Variants in CTNND2 observed in about 807,000 individuals in gnomAD.
CTNND2 encodes the protein catenin delta 2.
CTNND2 carries 22 observed loss-of-function variants against 144.4 expected under a neutral mutation model. That is an observed-to-expected ratio of 0.15 (90% CI 0.11 to 0.22). The LOEUF (loss-of-function observed/expected upper bound fraction) is 0.22, where lower values mean the gene tolerates loss of function less well. Ranked by LOEUF, CTNND2 falls within the 10% of genes least tolerant of loss-of-function variation. The pLI is 1.00. For synonymous variants in CTNND2, 751 were observed against 695.6 expected (o/e 1.08, Z -1.25); for missense variants, 1,353 against 1,618.8 (o/e 0.84, Z 2.82).
At chr5:11,593,038 C>T (rs899392264) in intron 2 of CTNND2, among the ~76,000 whole-genome samples, 6 of 151,796 alleles carry the variant, frequency 4.0e-5, no homozygotes, top group Admixed American at 2.6e-4. Flanking sequence ...AAAAATGCAA[C>T]GTGACCCCAG....
intron 1 of CTNND2, among the ~76,000 whole-genome samples, chr5:11,823,942 T>C (rs1793459369): frequency 6.6e-6 from 1 of 151,900 alleles, no homozygotes; most frequent in Non-Finnish European, 1.5e-5. Flanking sequence ...ACCGTGTCTC[T>C]ACTAAAAATA....
At chr5:11,382,363 C>T (rs930388026) in intron 7 of CTNND2, among the ~76,000 whole-genome samples, 9 of 152,120 alleles carry the variant, frequency 5.9e-5, no homozygotes, top group Admixed American at 5.9e-4. Context: ...TTTTGGGAGG[C>T]CAAAGCGAGC....
chr5:11,421,652 G>A (rs932090010), intron 3 of CTNND2, among the ~76,000 whole-genome samples: 5 of 152,102 alleles, frequency 3.3e-5, no homozygotes, highest in Admixed American at 6.5e-5. Context: ...CAGGCATGGC[G>A]GTGTCTGCAT....
intron 16 of CTNND2, among the ~76,000 whole-genome samples, chr5:11,056,353 T>G (rs886322924): frequency 2.6e-5 from 4 of 152,208 alleles, no homozygotes; most frequent in Non-Finnish European, 4.4e-5. Flanking sequence ...AGAAAACAAA[T>G]GGAAATGAAT....
At chr5:11,570,997 G>A (rs1176379684) in intron 2 of CTNND2, among the ~76,000 whole-genome samples, 1 of 151,588 alleles carries the variant, frequency 6.6e-6, no homozygotes, top group African/African-American at 2.4e-5. Flanking sequence ...AATCATGTAA[G>A]TCTCTAATGA....
chr5:11,443,548 C>A (rs186991161), intron 3 of CTNND2, among the ~76,000 whole-genome samples: 8 of 152,020 alleles, frequency 5.3e-5, no homozygotes, highest in Admixed American at 2.6e-4. Flanking sequence ...GTTAAAAATT[C>A]TTTCAAAATG....
chr5:11,489,872 G>A (rs531739164), intron 3 of CTNND2, among the ~76,000 whole-genome samples: 10 of 152,246 alleles, frequency 6.6e-5, no homozygotes, highest in Non-Finnish European at 1.3e-4. Flanking sequence ...GTACGAGATC[G>A]TCTCTGTGAA....
intron 16 of CTNND2, among the ~76,000 whole-genome samples, chr5:11,048,908 G>T (rs1434485938): frequency 6.6e-6 from 1 of 152,186 alleles, no homozygotes; most frequent in Non-Finnish European, 1.5e-5. Context: ...ACCATGCTGT[G>T]TTGTGAGGCT....
At chr5:11,631,570 G>A (rs986830298) in intron 2 of CTNND2, among the ~76,000 whole-genome samples, 3 of 152,086 alleles carry the variant, frequency 2.0e-5, no homozygotes, top group South Asian at 2.1e-4. Flanking sequence ...GGGCTCACTC[G>A]CTCACCACCT....
At chr5:11,545,913 C>T (rs980110597) in intron 3 of CTNND2, among the ~76,000 whole-genome samples, 1 of 152,144 alleles carries the variant, frequency 6.6e-6, no homozygotes, top group Non-Finnish European at 1.5e-5. Flanking sequence ...ATACATACTT[C>T]TCCATATATA....
chr5:11,128,940 T>A (rs1243102023), intron 12 of CTNND2, among the ~76,000 whole-genome samples: 1 of 47,980 alleles, frequency 2.1e-5, no homozygotes, highest in Admixed American at 4.3e-4. Flanking sequence ...AATATATATA[T>A]TATATATAAT....
chr5:11,263,874 C>A (rs1221523633), intron 9 of CTNND2, among the ~76,000 whole-genome samples: 1 of 152,168 alleles, frequency 6.6e-6, no homozygotes, highest in African/African-American at 2.4e-5. Flanking sequence ...CTAGACACAG[C>A]GTCCCAGGTG....
intron 9 of CTNND2, among the ~76,000 whole-genome samples, chr5:11,328,289 C>CTT (rs747493685): frequency 6.6e-5 from 9 of 135,786 alleles, no homozygotes; most frequent in Non-Finnish European, 6.4e-5. Flanking sequence ...ACACAAAATT[C>CTT]TTTTTTTTTT....
chr5:11,806,272 A>G (rs1791991753), intron 1 of CTNND2, among the ~76,000 whole-genome samples: 1 of 152,200 alleles, frequency 6.6e-6, no homozygotes, highest in African/African-American at 2.4e-5. Context: ...GGGATATATG[A>G]GAACTTTGTA....
Position 11,774,940 on chromosome 5 carries a change from A to G in CTNND2, c.38-42668T>C, listed in dbSNP as rs766396599. Among the ~76,000 whole-genome samples the G allele has an allele frequency of 2.6e-5, 4 of 152,184 alleles. 1 individual carries two copies. The highest frequency in any genetic ancestry group is 4.4e-5 in the Non-Finnish European group (3 of 68,032). On this transcript the variant is annotated intron_variant, in intron 1 of 21. Transcript: ENST00000304623. ...CCGTTCAGCTGGAAGTGCAGTCACC[A>G]GCTTCTCACTTCTTACATCCAATCC...
At chr5:11,637,249 C>G (rs182798496) in intron 2 of CTNND2, among the ~76,000 whole-genome samples, 2 of 152,280 alleles carry the variant, frequency 1.3e-5, no homozygotes, top group East Asian at 1.9e-4. Flanking sequence ...CCAAAATAAA[C>G]TGAGTTCTTG....
intron 4 of CTNND2, 57 bp downstream of exon 4, chr5:11,411,978 G>A: frequency 2.9e-6 from 4 of 1,358,446 alleles, no homozygotes; most frequent in Non-Finnish European, 4.2e-6. Flanking sequence ...CATAAGAAAA[G>A]TCATCAGTAG....
chr5:11,696,707 G>A (rs1785156353), intron 2 of CTNND2, among the ~76,000 whole-genome samples: 1 of 152,122 alleles, frequency 6.6e-6, no homozygotes, highest in South Asian at 2.1e-4. Flanking sequence ...TTTTCAGGTT[G>A]AGCACCTGCA....
intron 16 of CTNND2, among the ~76,000 whole-genome samples, chr5:11,028,864 C>A (rs1743151716): frequency 6.6e-6 from 1 of 152,068 alleles, no homozygotes; most frequent in African/African-American, 2.4e-5. Context: ...ATGTGACACC[C>A]CACCCAGCTA....
Sources: allele counts gnomAD v4.1 joint callset (sites outside exome capture counted in the v4.1 genomes callset), GRCh38; gene constraint gnomAD v4.1.1; transcripts MANE v1.5; gene names NCBI Gene and HGNC (gene_info 2026-07-23, HGNC 2026-07-21).